Variants in C5 observed in about 807,000 individuals in gnomAD.
The protein encoded by C5 is C3 and PZP-like alpha-2-macroglobulin domain-containing protein 4.
Under a neutral mutation model 218.8 loss-of-function variants are expected in C5, and 140 were observed. The ratio of observed to expected loss-of-function variants is 0.64; its 90% CI spans 0.56 to 0.74. The LOEUF is 0.74. C5 is among the 30% of genes least tolerant of loss of function. The pLI is 0.00. For missense variants in C5, 1,700 were observed against 1,969.6 expected (o/e 0.86, Z 2.59); for synonymous variants, 614 against 682.3 (o/e 0.90, Z 1.56).
At chr9:121,020,495 G>A (rs2047355450) in intron 11 of C5, among the ~76,000 whole-genome samples, 1 of 152,180 alleles carries the variant, frequency 6.6e-6, no homozygotes, top group Non-Finnish European at 1.5e-5. Context: ...TCCTCGCATG[G>A]GATGATTACA....
In C5 at chr9:121,010,579, T is replaced by C. The variant is rs534386799; in HGVS notation, c.2258-2081A>G. 1.3e-4 allele frequency among the ~76,000 whole-genome samples: 20 copies of C among 152,204 alleles called. No individual in the cohort carries two copies. The South Asian group carries it at 4.2e-3, about 32-fold the overall frequency. ...TTAATACCCAAAGCAATCTACTGAT[T>C]CAATGCAATCTCTATGAAAACACCA... On this transcript the variant is annotated intron_variant, in intron 17 of 40. Transcript: ENST00000223642.
At chr9:121,030,129 A>G (rs1299925898) in intron 7 of C5, among the ~76,000 whole-genome samples, 1 of 152,208 alleles carries the variant, frequency 6.6e-6, no homozygotes, top group African/African-American at 2.4e-5. Context: ...AAGTTACCCT[A>G]GTTTCTAAAC....
chr9:121,010,409 C>A, intron 17 of C5, among the ~76,000 whole-genome samples: 2 of 151,690 alleles, frequency 1.3e-5, no homozygotes, highest in African/African-American at 2.4e-5. Context: ...AATTAAATAC[C>A]TAGGAATTAA....
rs386416117 is a variant in C5 at position 121,041,297 on chromosome 9, C to CTTTTTTTTTTTTT, written c.421+1694_421+1706dup. Reference sequence around the variant, plus strand: ...CTGATAGAGAAATAATACATGAAGCCTTTTTTTTTTTTTTTTTTTTTTGCT... The same window carrying CTTTTTTTTTTTTT: ...CTGATAGAGAAATAATACATGAAGCCTTTTTTTTTTTTTTTTTTTTTTTTTTTTTTTTTTTGCT... On this transcript the variant is annotated intron_variant, in intron 3 of 40. Coordinates refer to ENST00000223642, the MANE Select transcript of C5 (RefSeq NM_001735.3). Among the ~76,000 whole-genome samples the CTTTTTTTTTTTTT allele has an allele frequency of 5.8e-4, 42 of 72,672 alleles. 1 individual carries two copies. Among genetic ancestry groups the CTTTTTTTTTTTTT allele is most frequent in the East Asian group, 1.0e-3 (2 of 1,922 alleles). The allele number at this position is 72,672 out of a possible 152,430, so 47.7% of individuals were successfully genotyped here. A position where few individuals can be genotyped will look rare whatever the true frequency, so the allele number is the denominator to read the frequency against.
At chr9:120,958,290 A>C (rs1463060105) in intron 38 of C5, among the ~76,000 whole-genome samples, 1 of 152,248 alleles carries the variant, frequency 6.6e-6, no homozygotes, top group Non-Finnish European at 1.5e-5. Context: ...CTGGGTACAG[A>C]GAGAGAACTA....
intron 22 of C5, among the ~76,000 whole-genome samples, chr9:120,992,341 A>G (rs1425978218): frequency 6.6e-6 from 1 of 152,254 alleles, no homozygotes; most frequent in Non-Finnish European, 1.5e-5. Context: ...AAGAGCATGA[A>G]GTTCAAAAAG....
Position 120,957,400 on chromosome 9 carries a change from C to T in C5, c.4679-32G>A, listed in dbSNP as rs757744600. 5 of 1,510,304 alleles carry T rather than the reference C, an allele frequency of 3.3e-6. No individual in the cohort carries two copies. The Admixed American group carries it at 5.0e-5, about 15-fold the overall frequency. The allele number at this position is 1,510,304 out of a possible 1,614,324, so 93.6% of individuals were successfully genotyped here. On this transcript the variant is annotated intron_variant, in intron 38 of 40. Transcript: ENST00000223642. ...AAAGACAAACAACAATGAAACAATTCAGTCTTAATACTATTAATGCTATGT... is the reference window on the plus strand; with the variant it reads ...AAAGACAAACAACAATGAAACAATTTAGTCTTAATACTATTAATGCTATGT...
chr9:120,968,094 C>T (rs1455050870), intron 33 of C5, among the ~76,000 whole-genome samples: 1 of 152,134 alleles, frequency 6.6e-6, no homozygotes, highest in African/African-American at 2.4e-5. Context: ...CAAGGGTGTC[C>T]ATGTCCTAAT....
intron 38 of C5, 57 bp from the exon 39 acceptor site, chr9:120,957,425 TC>T: frequency 7.6e-7 from 1 of 1,311,092 alleles, no homozygotes; most frequent in Non-Finnish European, 1.1e-6. Context: ...TAATGCTATG[TC>T]CAGTAGAAGC....
In C5 at chr9:120,966,655, G is replaced by A. The variant is rs554342540; in HGVS notation, c.4220+2406C>T. On this transcript the variant is annotated intron_variant, in intron 33 of 40. Transcript: ENST00000223642. ...TCATGCTCCTCCCCAGCTGGTAGGT[G>A]CCCAAGGGTAGGAATGGCATTTAGG... is the stretch of plus-strand genomic sequence containing the variant. Among the ~76,000 whole-genome samples, 42 of 152,264 alleles carry A rather than the reference G, an allele frequency of 2.8e-4. 1 individual carries two copies. In the South Asian group the frequency reaches 8.7e-3, roughly 32 times the overall value.
Position 121,037,926 on chromosome 9 carries a change from A to G in C5, c.447T>C (p.Asn149=). The change falls in exon 4 of 41, where the codon AAT becomes AAC. Residue 149 remains asparagine, a synonymous_variant. Transcript: ENST00000223642. ...QSVKVRVYSL[N]DDLKPAKRET... Reference sequence around the variant, plus strand: ...CTCTTTTGGCTGGCTTCAAGTCGTCATTCAACGAATAAACTCTAACTTTTA... The same window carrying G: ...CTCTTTTGGCTGGCTTCAAGTCGTCGTTCAACGAATAAACTCTAACTTTTA... The G allele has an allele frequency of 6.5e-7, 1 of 1,531,602 alleles. No individual in the cohort carries two copies. Among genetic ancestry groups the G allele is most frequent in the Non-Finnish European group, 9.0e-7 (1 of 1,116,770 alleles). The allele number at this position is 1,531,602 out of a possible 1,614,324, so 94.9% of individuals were successfully genotyped here.
intron 33 of C5, among the ~76,000 whole-genome samples, chr9:120,964,157 A>G (rs891639172): frequency 2.6e-5 from 4 of 152,252 alleles, no homozygotes; most frequent in South Asian, 2.1e-4. Context: ...AAGAGATTCA[A>G]TAAACATGTC....
intron 3 of C5, among the ~76,000 whole-genome samples, chr9:121,039,568 C>T (rs971521697): frequency 4.6e-5 from 7 of 152,070 alleles, no homozygotes; most frequent in African/African-American, 1.4e-4. Flanking sequence ...ACCTGGGAGG[C>T]GGAGATTGCA....
intron 10 of C5, 117 bp from the exon 11 acceptor site, chr9:121,021,811 CT>C: frequency 9.5e-7 from 1 of 1,048,930 alleles, no homozygotes; most frequent in Non-Finnish European, 1.4e-6. Context: ...GTATTTTTTT[CT>C]GAAAATTTTT....
intron 11 of C5, among the ~76,000 whole-genome samples, chr9:121,021,238 A>G (rs538318666): frequency 2.6e-5 from 4 of 152,182 alleles, no homozygotes; most frequent in Non-Finnish European, 5.9e-5. Context: ...TGCTATACCT[A>G]TTCTGAAGCT....
At chr9:120,994,130 A>G (rs1271503531) in intron 22 of C5, among the ~76,000 whole-genome samples, 2 of 152,200 alleles carry the variant, frequency 1.3e-5, no homozygotes, top group Admixed American at 1.3e-4. Context: ...GGTGTCACAC[A>G]ATTTTAATTA....
intron 40 of C5, 97 bp from the exon 41 acceptor site, chr9:120,952,965 C>CACTGCACTCCAG: frequency 7.2e-7 from 1 of 1,385,594 alleles, no homozygotes; most frequent in Non-Finnish European, 1.0e-6. Context: ...GCTCAGTCGC[C>CACTGCACTCCAG]CATGCTGGAG....
the C5 span, among the ~76,000 whole-genome samples, chr9:121,064,929 G>A: frequency 6.6e-6 from 1 of 152,070 alleles, no homozygotes; most frequent in African/African-American, 2.4e-5. Flanking sequence ...GCCAGACATG[G>A]TGGCGGTGCC....
intron 38 of C5, among the ~76,000 whole-genome samples, chr9:120,959,841 T>C (rs769411332): frequency 6.6e-6 from 1 of 152,216 alleles, no homozygotes; most frequent in Non-Finnish European, 1.5e-5. Context: ...TTTATATTTT[T>C]ACCCTGAAGA....
Sources: allele counts gnomAD v4.1 joint callset (sites outside exome capture counted in the v4.1 genomes callset), GRCh38; gene constraint gnomAD v4.1.1; transcripts MANE v1.5; gene names NCBI Gene and HGNC (gene_info 2026-07-23, HGNC 2026-07-21).